The following VASN variants were observed in gnomAD, a reference collection of about 807,000 sequenced individuals.
The protein encoded by VASN is vasorin, also known as protein slit-like 2.
VASN carries 5 observed loss-of-function variants against 4.8 expected under a neutral mutation model. The ratio of observed to expected loss-of-function variants is 1.03; its 90% CI spans 0.54 to 2.17. The LOEUF (loss-of-function observed/expected upper bound fraction) is 2.17. Among genes scored for constraint, VASN ranks in the 30% most tolerant of loss-of-function variants. The probability of loss-of-function intolerance (pLI) is 0.01; values close to 1 mark genes in which losing one functional copy is unlikely to be tolerated. For synonymous variants in VASN, 499 were observed against 460.8 expected (o/e 1.08, Z -1.06); for missense variants, 927 against 948.8 (o/e 0.98, Z 0.30).
chr16:4,372,675 G>A (rs902150819), intron 1 of VASN, among the ~76,000 whole-genome samples: 1 of 152,202 alleles, frequency 6.6e-6, no homozygotes, highest in African/African-American at 2.4e-5. Context: ...TCCCTGGGCT[G>A]GCAGTGCTGG....
In VASN at chr16:4,381,601, A is replaced by C; in HGVS notation, c.724A>C (p.Thr242Pro). 4 of 1,599,576 alleles carry C rather than the reference A, an allele frequency of 2.5e-6. No individual in the cohort carries two copies. The highest frequency in any genetic ancestry group is 3.4e-6 in the Non-Finnish European group (4 of 1,173,638). The stretch of plus-strand genomic sequence containing the variant: ...TGTGATCCGAGGCCTCCGGGGCCTG[A>C]CGCGCCTGCGGCTGGCCGGCAACAC... ...PPVIRGLRGL[T>P]RLRLAGNTRI... Residue 242 changes from threonine (T) to proline (P), a missense_variant, in exon 2 of 2, where the codon ACG (threonine) becomes CCG (proline). Transcript: ENST00000304735.
chr16:4,377,441 G>A (rs1352628806), intron 1 of VASN, among the ~76,000 whole-genome samples: 1 of 152,122 alleles, frequency 6.6e-6, no homozygotes, highest in Admixed American at 6.5e-5. Context: ...CAGACCCCAG[G>A]CGGGCGGGAC....
At chr16:4,380,700 G>A (rs763210038) in intron 1 of VASN, among the ~76,000 whole-genome samples, 169 bp from the exon 2 acceptor site, 1 of 152,250 alleles carries the variant, frequency 6.6e-6, no homozygotes, top group Non-Finnish European at 1.5e-5. Flanking sequence ...AGGGAGTGAC[G>A]GGGCTGGGAC....
chr16:4,382,542 A>T lies in VASN; in HGVS notation c.1665A>T (p.Thr555=), dbSNP rs1431455226. 1 of 1,583,610 alleles carries T rather than the reference A, an allele frequency of 6.3e-7. No individual in the cohort carries two copies. The highest frequency in any genetic ancestry group is 1.4e-5 in the African/African-American group (1 of 73,928). ...AGGAGGCCTGCGGGGAGGCCCATAC[A>T]CCCCCAGCCGTCCACTCCAACCACG... The part of the protein sequence containing the change: ...EGEEACGEAH[T]PPAVHSNHAP... Residue 555 remains threonine, a synonymous_variant, in exon 2 of 2, where the codon ACA becomes ACT. Coordinates refer to ENST00000304735, the MANE Select transcript of VASN (RefSeq NM_138440.3).
At chr16:4,375,401 C>T (rs2054682695) in intron 1 of VASN, among the ~76,000 whole-genome samples, 1 of 152,284 alleles carries the variant, frequency 6.6e-6, no homozygotes, top group Non-Finnish European at 1.5e-5. Flanking sequence ...TTGCAACCCT[C>T]TGTCCTGGTG....
chr16:4,372,543 T>C (rs2054573979), intron 1 of VASN, among the ~76,000 whole-genome samples: 1 of 152,116 alleles, frequency 6.6e-6, no homozygotes, highest in Non-Finnish European at 1.5e-5. Flanking sequence ...GATGGACCTG[T>C]ACTGGCCAGG....
In VASN at chr16:4,382,512, GGGCGAGGAGGCC is replaced by G. The variant is rs1567275160; in HGVS notation, c.1636_1647del (p.Gly546_Ala549del). On this transcript the variant is annotated inframe_deletion, in exon 2 of 2. Transcript: ENST00000304735. Reference sequence around the variant, plus strand: ...CTTTGGGGCCCGGGCGGGTGCCGGAGGGCGAGGAGGCCTGCGGGGAGGCCCATACACCCCCAG... The same window carrying G: ...CTTTGGGGCCCGGGCGGGTGCCGGAGTGCGGGGAGGCCCATACACCCCCAG... 1 of 1,592,208 alleles carries G rather than the reference GGGCGAGGAGGCC, an allele frequency of 6.3e-7. No individual in the cohort carries two copies. The highest frequency in any genetic ancestry group is 1.7e-5 in the Admixed American group (1 of 57,698).
chr16:4,375,618 G>C (rs1467418349), intron 1 of VASN, among the ~76,000 whole-genome samples: 1 of 152,202 alleles, frequency 6.6e-6, no homozygotes, highest in African/African-American at 2.4e-5. Context: ...CTCCCAAGTA[G>C]CTGGGACTAC....
In VASN at chr16:4,382,702, G is replaced by C; in HGVS notation, c.1825G>C (p.Ala609Pro). The change falls in exon 2 of 2, where the codon GCT becomes CCT. Residue 609 changes from alanine (A) to proline (P), a missense_variant. Coordinates refer to ENST00000304735, the MANE Select transcript of VASN (RefSeq NM_138440.3). ...GCGGGGGCGGGCCATGGCAGCAGCGGCTCAGGACAAAGGGCAGGTGGGGCC... is the reference window on the plus strand; with the variant it reads ...GCGGGGGCGGGCCATGGCAGCAGCGCCTCAGGACAAAGGGCAGGTGGGGCC... ...VRRGRAMAAA[A>P]QDKGQVGPGA... 1.3e-6 allele frequency: 2 copies of C among 1,548,884 alleles called. No homozygotes were observed. Among genetic ancestry groups the C allele is most frequent in the Non-Finnish European group, 1.7e-6 (2 of 1,147,812 alleles).
At chr16:4,376,062 C>A (rs897261692) in intron 1 of VASN, among the ~76,000 whole-genome samples, 3 of 152,168 alleles carry the variant, frequency 2.0e-5, no homozygotes, top group Non-Finnish European at 4.4e-5. Flanking sequence ...TGGGGACCCC[C>A]GCTCAATCAC....
rs150555307 is a variant in VASN at position 4,382,218 on chromosome 16, G to A, written c.1341G>A (p.Gln447=). The A allele has an allele frequency of 4.8e-5, 77 of 1,604,726 alleles. No homozygotes were observed. In the African/African-American group the frequency reaches 8.4e-4, roughly 18 times the overall value. Residue 447 remains glutamine (Q), a synonymous_variant, in exon 2 of 2, where the codon CAG becomes CAA. Coordinates refer to ENST00000304735, the MANE Select transcript of VASN (RefSeq NM_138440.3). The part of the protein sequence containing the change: ...TGLYCESQMG[Q]GTRPSPTPVT... Reference sequence around the variant, plus strand: ...TGTACTGTGAGAGCCAGATGGGGCAGGGGACACGGCCCAGCCCTACACCAG... The same window carrying A: ...TGTACTGTGAGAGCCAGATGGGGCAAGGGACACGGCCCAGCCCTACACCAG...
intron 1 of VASN, among the ~76,000 whole-genome samples, chr16:4,378,252 C>A (rs1384849879): frequency 6.6e-6 from 1 of 152,166 alleles, no homozygotes; most frequent in African/African-American, 2.4e-5. Context: ...ACAGCTTGGA[C>A]ACCTCTGAGC....
intron 1 of VASN, among the ~76,000 whole-genome samples, chr16:4,373,454 C>T (rs965594837): frequency 5.3e-5 from 8 of 152,116 alleles, no homozygotes; most frequent in African/African-American, 1.9e-4. Context: ...GGTCCCAGGG[C>T]ATTTGTCCAG....
In VASN at chr16:4,380,954, C is replaced by A; in HGVS notation, c.77C>A (p.Ser26Tyr). 6.2e-7 allele frequency: 1 copy of A among 1,601,004 alleles called. No homozygotes were observed. Among genetic ancestry groups the A allele is most frequent in the Admixed American group, 1.7e-5 (1 of 59,378 alleles). ...ALGPGVQGCP[S>Y]GCQCSQPQTV... The stretch of plus-strand genomic sequence containing the variant: ...GGGCCTGGGGTGCAGGGCTGCCCAT[C>A]CGGCTGCCAGTGCAGCCAGCCACAG... The change falls in exon 2 of 2, where the codon TCC (serine) becomes TAC (tyrosine). Residue 26 changes from serine (S) to tyrosine (Y), a missense_variant. Coordinates refer to ENST00000304735, the MANE Select transcript of VASN (RefSeq NM_138440.3).
At chr16:4,379,392 C>G (rs12443618) in intron 1 of VASN, among the ~76,000 whole-genome samples, 110,035 of 151,916 alleles carry the variant, frequency 0.72, 40,288 homozygotes, top group East Asian at 0.79. Flanking sequence ...CAGCCACAGA[C>G]CTGCCTGACT....
Position 4,383,128 on chromosome 16 carries a change from G to A in VASN, c.*229G>A. On this transcript the variant is annotated 3_prime_UTR_variant, in exon 2 of 2. Transcript: ENST00000304735. Reference sequence around the variant, plus strand: ...CGTCCCCAGAACCGAGTGCCTATGAGGACAGTGTCCGCCCTGCCCTCCGCA... The same window carrying A: ...CGTCCCCAGAACCGAGTGCCTATGAAGACAGTGTCCGCCCTGCCCTCCGCA... 5.6e-6 allele frequency: 3 copies of A among 536,496 alleles called. No homozygotes were observed. Among genetic ancestry groups the A allele is most frequent in the Middle Eastern group, 1.0e-3 (2 of 1,998 alleles). 33.2% of individuals were successfully genotyped at this position (536,496 alleles called of 1,614,324 possible). A position where few individuals can be genotyped will look rare whatever the true frequency, so the allele number is the denominator to read the frequency against.
rs1339672690 is a variant in VASN, at chr16:4,381,541, G to C, written c.664G>C (p.Asp222His). The C allele has an allele frequency of 6.2e-7, 1 of 1,604,848 alleles. No individual in the cohort carries two copies. The highest frequency in any genetic ancestry group is 8.5e-7 in the Non-Finnish European group (1 of 1,176,552). Residue 222 changes from aspartate (D) to histidine (H), a missense_variant, in exon 2 of 2, where the codon GAT becomes CAT. Transcript: ENST00000304735. Reference sequence around the variant, plus strand: ...CCGCTTGCGCAACCTCCACGACCTGGATGTGTCCGACAACCAGCTGGAGCG... The same window carrying C: ...CCGCTTGCGCAACCTCCACGACCTGCATGTGTCCGACAACCAGCTGGAGCG... ...FSRLRNLHDL[D>H]VSDNQLERVP...
rs754777378 is a variant in VASN at position 4,381,750 on chromosome 16, G to T, written c.873G>T (p.Arg291=). 43 of 1,602,904 alleles carry T rather than the reference G, an allele frequency of 2.7e-5. No homozygotes were observed. The highest frequency in any genetic ancestry group is 3.6e-5 in the Non-Finnish European group (42 of 1,179,360). The change falls in exon 2 of 2, where the codon CGG becomes CGT. Residue 291 remains arginine, a synonymous_variant. Transcript: ENST00000304735. ...TCTCGGGCCTCTTCCCCCGCCTGCG[G>T]CTGCTGGCAGCTGCCCGCAACCCCT... is the stretch of plus-strand genomic sequence containing the variant. ...GDLSGLFPRL[R]LLAAARNPFN...
At chr16:4,377,041 G>C in intron 1 of VASN, among the ~76,000 whole-genome samples, 1 of 152,170 alleles carries the variant, frequency 6.6e-6, no homozygotes, top group East Asian at 1.9e-4. Context: ...CGAGCACCAC[G>C]AGCAGCGCCC....
Sources: allele counts gnomAD v4.1 joint callset (sites outside exome capture counted in the v4.1 genomes callset), GRCh38; gene constraint gnomAD v4.1.1; transcripts MANE v1.5; gene names NCBI Gene and HGNC (gene_info 2026-07-23, HGNC 2026-07-21).